DOCK1: variants seen among roughly 807,000 people sequenced by gnomAD.
DOCK1 encodes the protein dedicator of cytokinesis protein 1.
In DOCK1, 138 loss-of-function variants were observed where a neutral mutation model predicts 262.7. The ratio of observed to expected loss-of-function variants is 0.53; its 90% confidence interval spans 0.46 to 0.61. The LOEUF is 0.61. Ranked by LOEUF, DOCK1 falls within the 20% of genes least tolerant of loss-of-function variation. DOCK1 has a pLI of 0.00. For missense variants in DOCK1, 1,908 were observed against 2,370.7 expected (o/e 0.80, Z 4.05); for synonymous variants, 866 against 867.4 (o/e 1.00, Z 0.03).
Position 127,362,147 on chromosome 10 carries a change from G to A in DOCK1, c.3367G>A (p.Ala1123Thr). The A allele has an allele frequency of 6.2e-7, 1 of 1,613,888 alleles. No homozygotes were observed. Among genetic ancestry groups the A allele is most frequent in the Non-Finnish European group, 8.5e-7 (1 of 1,179,868 alleles). Residue 1123 changes from alanine (A) to threonine (T), a missense_variant, in exon 33 of 52, where the codon GCC (alanine) becomes ACC (threonine). Ala to Thr is a moderately conservative substitution (Grantham distance 58). This residue lies in a region of DOCK1 where 518 missense variants were observed against 575.1 expected (regional missense o/e 0.90). Coordinates refer to ENST00000623213, the MANE Select transcript of DOCK1 (RefSeq NM_001290223.2). ...AATTCCCGAGACGGAGCTGCGCAAA[G>A]CCACCATCCCCATCTTCTTTGATAT... is the stretch of plus-strand genomic sequence containing the variant. The part of the protein sequence containing the change: ...TLIPETELRK[A>T]TIPIFFDMMQ...
chr10:127,073,137 A>G (rs2046328040), intron 23 of DOCK1, among the ~76,000 whole-genome samples: 1 of 152,232 alleles, frequency 6.6e-6, no homozygotes, highest in Non-Finnish European at 1.5e-5. Context: ...GCCTATTTTG[A>G]TTGCAAATTG....
intron 28 of DOCK1, among the ~76,000 whole-genome samples, chr10:127,254,287 C>T (rs1285396619): frequency 6.6e-6 from 1 of 152,046 alleles, no homozygotes; most frequent in African/African-American, 2.4e-5. Context: ...TTGAAGAGAC[C>T]AATCCATTAG....
chr10:127,007,766 T>G (rs2041145345), intron 10 of DOCK1, among the ~76,000 whole-genome samples: 2 of 152,204 alleles, frequency 1.3e-5, no homozygotes, highest in African/African-American at 4.8e-5. Context: ...TTGAAAGAGC[T>G]TGGGTCTTGG....
chr10:127,210,769 GA>G (rs2057938893), intron 27 of DOCK1, among the ~76,000 whole-genome samples: 1 of 152,092 alleles, frequency 6.6e-6, no homozygotes, highest in African/African-American at 2.4e-5. Flanking sequence ...TCAGCCTCAT[GA>G]AGTTTAAAGC....
intron 27 of DOCK1, among the ~76,000 whole-genome samples, chr10:127,196,655 G>C (rs1329880401): frequency 6.8e-6 from 1 of 148,058 alleles, no homozygotes; most frequent in African/African-American, 2.5e-5. Flanking sequence ...GGCCGCGTGC[G>C]TGGGGTGGGG....
In DOCK1 at chr10:127,418,475, G is replaced by T. The variant is rs376719633; in HGVS notation, c.4626G>T (p.Pro1542=). ...ATGACCCCAGCCTGCCCATCAACCC[G>T]CTCTCCATGCTCCTGAACGGCATCG... is the stretch of plus-strand genomic sequence containing the variant. ...HLDDPSLPIN[P]LSMLLNGIVD... Residue 1542 remains proline, a synonymous_variant, in exon 45 of 52, where the codon CCG becomes CCT. Coordinates refer to ENST00000623213, the MANE Select transcript of DOCK1 (RefSeq NM_001290223.2). The T allele has an allele frequency of 1.2e-6, 2 of 1,614,088 alleles. No individual in the cohort carries two copies. Among genetic ancestry groups the T allele is most frequent in the East Asian group, 4.5e-5 (2 of 44,870 alleles).
Position 126,982,079 on chromosome 10 carries a change from G to T in DOCK1, c.227+106G>T, listed in dbSNP as rs1278903348. The T allele has an allele frequency of 1.2e-5, 15 of 1,216,560 alleles. No individual in the cohort carries two copies. In the South Asian group the frequency reaches 1.3e-4, roughly 11 times the overall value. 75.4% of individuals were successfully genotyped at this position (1,216,560 alleles called of 1,614,324 possible). A position where few individuals can be genotyped will look rare whatever the true frequency, so the allele number is the denominator to read the frequency against. On this transcript the variant is annotated intron_variant, in intron 4 of 51. Coordinates refer to ENST00000623213, the MANE Select transcript of DOCK1 (RefSeq NM_001290223.2). ...ATGAGAGGGTCAAGACAATGGGTGT[G>T]ATTGACTCCTGGGGGACAGGAGTTT...
At chr10:127,261,538 GGTGT>G (rs745945561) in intron 29 of DOCK1, among the ~76,000 whole-genome samples, 11 of 98,412 alleles carry the variant, frequency 1.1e-4, no homozygotes, top group Admixed American at 3.2e-4. Flanking sequence ...TGTGCATGTG[GGTGT>G]GTGTGTACCC....
At chr10:126,941,929 CTT>C (rs1351777421) in intron 1 of DOCK1, among the ~76,000 whole-genome samples, 3 of 152,140 alleles carry the variant, frequency 2.0e-5, no homozygotes, top group African/African-American at 7.2e-5. Flanking sequence ...CAATTATTCT[CTT>C]TTAAGCTGCT....
intron 1 of DOCK1, among the ~76,000 whole-genome samples, chr10:126,945,520 G>A (rs1008684715): frequency 1.3e-5 from 2 of 152,040 alleles, no homozygotes; most frequent in Non-Finnish European, 2.9e-5. Context: ...GAGCCCTTTT[G>A]TAACTGAATC....
chr10:127,432,606 T>A (rs947148222), intron 47 of DOCK1, among the ~76,000 whole-genome samples: 2 of 152,198 alleles, frequency 1.3e-5, no homozygotes, highest in African/African-American at 2.4e-5. Context: ...GGACACATGC[T>A]GTATTTCAAG....
intron 48 of DOCK1, 23 bp from the exon 49 acceptor site, chr10:127,439,004 G>T: frequency 5.2e-6 from 8 of 1,539,572 alleles, no homozygotes; most frequent in Non-Finnish European, 7.0e-6. Flanking sequence ...CTCCTATTAA[G>T]ACGTCATTGA....
chr10:127,136,621 TAAAG>T (rs1227919315), intron 27 of DOCK1: 3 of 152,386 alleles, frequency 2.0e-5, no homozygotes, highest in African/African-American at 7.3e-5. Context: ...AGTGAAAAAA[TAAAG>T]GAACTAAGAT....
chr10:127,084,391 C>G (rs1296034878), intron 23 of DOCK1, among the ~76,000 whole-genome samples: 1 of 152,188 alleles, frequency 6.6e-6, no homozygotes, highest in Non-Finnish European at 1.5e-5. Flanking sequence ...TTGAAAAAGG[C>G]CCTTTCCCTA....
chr10:127,036,207 A>G (rs552218734), intron 18 of DOCK1, among the ~76,000 whole-genome samples: 21 of 152,266 alleles, frequency 1.4e-4, no homozygotes, highest in African/African-American at 5.1e-4. Context: ...TCAGATGAGA[A>G]CACTGAGGTG....
Position 127,374,127 on chromosome 10 carries a change from G to A in DOCK1, c.3588G>A (p.Val1196=). Residue 1196 remains valine, a synonymous_variant, in exon 35 of 52, where the codon GTG becomes GTA. Coordinates refer to ENST00000623213, the MANE Select transcript of DOCK1 (RefSeq NM_001290223.2). ...GAGAAACTTTTGTAAAACTCGTTGTGCGCTTAATGGAAAGGCTTTTGGATT... is the reference window on the plus strand; with the variant it reads ...GAGAAACTTTTGTAAAACTCGTTGTACGCTTAATGGAAAGGCTTTTGGATT... ...KTGETFVKLV[V]RLMERLLDYR... is the part of the protein sequence containing the mutation. 3.1e-6 allele frequency: 5 copies of A among 1,613,688 alleles called. No individual in the cohort carries two copies. Among genetic ancestry groups the A allele is most frequent in the Non-Finnish European group, 4.2e-6 (5 of 1,179,776 alleles).
rs576630275 is a variant in DOCK1 at position 127,103,461 on chromosome 10, A to G, written c.2446-2770A>G. On this transcript the variant is annotated intron_variant, in intron 23 of 51. Transcript: ENST00000623213. ...GTTGAAGAGCGTGGGGTGAAGGGACAGGGAGATGAAGAAACTGCATTGCAT... is the reference window on the plus strand; with the variant it reads ...GTTGAAGAGCGTGGGGTGAAGGGACGGGGAGATGAAGAAACTGCATTGCAT... 5.3e-5 allele frequency among the ~76,000 whole-genome samples: 8 copies of G among 152,302 alleles called. No individual in the cohort carries two copies. In the South Asian group the frequency reaches 1.5e-3, roughly 28 times the overall value.
intron 1 of DOCK1, among the ~76,000 whole-genome samples, chr10:126,949,432 A>T (rs1422088583): frequency 6.6e-6 from 1 of 152,096 alleles, no homozygotes. Flanking sequence ...ACACCTACCA[A>T]CTATACATGG....
chr10:127,185,003 C>T (rs550728989), intron 27 of DOCK1, among the ~76,000 whole-genome samples: 7 of 152,158 alleles, frequency 4.6e-5, no homozygotes, highest in Admixed American at 2.6e-4. Context: ...TGCCTGACAC[C>T]AGTCCACTGT....
Sources: gnomAD v4.1 joint callset for allele counts (sites outside exome capture counted in the v4.1 genomes callset) on GRCh38, gnomAD v4.1.1 for gene constraint, gnomAD v4.1.1 regional missense constraint, MANE v1.5 for transcripts, NCBI Gene and HGNC (gene_info 2026-07-23, HGNC 2026-07-21) for gene names.